MED9: variants seen among roughly 807,000 people sequenced by gnomAD.
MED9 encodes mediator complex subunit 9.
A neutral mutation model predicts 13.2 loss-of-function variants in MED9; 8 were observed. That is an observed-to-expected ratio of 0.61 (90% CI 0.36 to 1.10). MED9 has a LOEUF of 1.10. MED9 is among the 50% of genes least tolerant of loss of function. The pLI is 0.02. For missense variants in MED9, 180 were observed against 193.4 expected (o/e 0.93, Z 0.41); for synonymous variants, 87 against 82.8 (o/e 1.05, Z -0.28).
intron 1 of MED9, 89 bp from the exon 2 acceptor site, chr17:17,491,190 G>C (rs1326464473): frequency 8.1e-7 from 1 of 1,238,510 alleles, no homozygotes; most frequent in East Asian, 2.4e-5. Context: ...AGCTATGGCA[G>C]GAATGACAGC....
intron 1 of MED9, 98 bp downstream of exon 1, chr17:17,477,363 C>T (rs114377200): frequency 2.3e-6 from 3 of 1,331,976 alleles, no homozygotes; most frequent in South Asian, 2.9e-5. Flanking sequence ...GGGGCACGCC[C>T]CCGTTTCACA....
At chr17:17,489,892 G>A (rs150605966) in intron 1 of MED9, among the ~76,000 whole-genome samples, 2 of 152,314 alleles carry the variant, frequency 1.3e-5, no homozygotes, top group East Asian at 3.9e-4. Flanking sequence ...CGTAACTGAT[G>A]GATCGCCAGG....
At chr17:17,490,864 A>G (rs981870526) in intron 1 of MED9, among the ~76,000 whole-genome samples, 2 of 152,196 alleles carry the variant, frequency 1.3e-5, no homozygotes, top group East Asian at 3.8e-4. Flanking sequence ...TGATATTGGT[A>G]TTGGTTTGTT....
Position 17,492,855 on chromosome 17 carries a change from G to A in MED9, c.*1360G>A, listed in dbSNP as rs1382641170. The A allele has an allele frequency of 6.6e-6, 1 of 152,244 alleles. No individual in the cohort carries two copies. The highest frequency in any genetic ancestry group is 6.5e-5 in the Admixed American group (1 of 15,280). 9.4% of individuals were successfully genotyped at this position (152,244 alleles called of 1,614,324 possible). A position where few individuals can be genotyped will look rare whatever the true frequency, so the allele number is the denominator to read the frequency against. On this transcript the variant is annotated 3_prime_UTR_variant, in exon 2 of 2. Coordinates refer to ENST00000268711, the MANE Select transcript of MED9 (RefSeq NM_018019.3). Reference sequence around the variant, plus strand: ...TGTCAGAAGGTGGGTGGCATATTGGGGACCTGGGAATGTGTGAAGGAGGAG... The same window carrying A: ...TGTCAGAAGGTGGGTGGCATATTGGAGACCTGGGAATGTGTGAAGGAGGAG...
chr17:17,481,325 G>A (rs1905030859), intron 1 of MED9, among the ~76,000 whole-genome samples: 1 of 152,218 alleles, frequency 6.6e-6, no homozygotes, highest in Non-Finnish European at 1.5e-5. Flanking sequence ...GGTGAGTAAG[G>A]AGGTAAAATC....
In MED9 at chr17:17,477,242, T is replaced by C. The variant is rs765560776; in HGVS notation, c.201T>C (p.Pro67=). The part of the protein sequence containing the change: ...AREEENYSFL[P]LVHNIIKCMD... ...AGGAAGAGAACTACTCCTTTTTACCTTTGGTTCACAACATCATCAAATGGT... is the reference window on the plus strand; with the variant it reads ...AGGAAGAGAACTACTCCTTTTTACCCTTGGTTCACAACATCATCAAATGGT... The change falls in exon 1 of 2, where the codon CCT becomes CCC. Residue 67 remains proline (P), a synonymous_variant. Coordinates refer to ENST00000268711, the MANE Select transcript of MED9 (RefSeq NM_018019.3). 11 of 1,604,270 alleles carry C rather than the reference T, an allele frequency of 6.9e-6. No homozygotes were observed. Among genetic ancestry groups the C allele is most frequent in the Non-Finnish European group, 9.4e-6 (11 of 1,174,260 alleles).
intron 1 of MED9, chr17:17,487,588 G>A (rs1316017555): frequency 4.8e-5 from 8 of 167,540 alleles, no homozygotes; most frequent in South Asian, 1.7e-4. Context: ...AAGAAACTCC[G>A]AACACATCTG....
At chr17:17,479,832 T>C (rs536483327) in intron 1 of MED9, among the ~76,000 whole-genome samples, 3 of 152,132 alleles carry the variant, frequency 2.0e-5, no homozygotes, top group Non-Finnish European at 2.9e-5. Flanking sequence ...CCAAAAAGAA[T>C]AGGACAGGAG....
intron 1 of MED9, among the ~76,000 whole-genome samples, chr17:17,489,239 C>CT (rs1438604339): frequency 1.3e-5 from 2 of 152,230 alleles, no homozygotes; most frequent in African/African-American, 4.8e-5. Context: ...CTTACAGCTC[C>CT]TTTTTTATTA....
intron 1 of MED9, chr17:17,485,483 G>C: frequency 2.6e-6 from 1 of 388,434 alleles, no homozygotes; most frequent in Non-Finnish European, 4.5e-6. Flanking sequence ...GGGTCCACAG[G>C]AAGGCAGTGG....
chr17:17,488,690 G>A (rs969559878), intron 1 of MED9, among the ~76,000 whole-genome samples: 13 of 152,126 alleles, frequency 8.5e-5, no homozygotes, highest in Admixed American at 6.6e-5. Flanking sequence ...AAAATTAGCC[G>A]GGCGTGGTAG....
In MED9 at chr17:17,491,618, C is replaced by T. The variant is rs1284541011; in HGVS notation, c.*123C>T. On this transcript the variant is annotated 3_prime_UTR_variant, in exon 2 of 2. Transcript: ENST00000268711. Reference sequence around the variant, plus strand: ...AGCTCAGCTCGTCAAGCTGCAGGGGCGGGGCTCCTGTGCTGCTGCGCGCGC... The same window carrying T: ...AGCTCAGCTCGTCAAGCTGCAGGGGTGGGGCTCCTGTGCTGCTGCGCGCGC... 7 of 968,352 alleles carry T rather than the reference C, an allele frequency of 7.2e-6. No individual in the cohort carries two copies. Among genetic ancestry groups the T allele is most frequent in the African/African-American group, 3.3e-5 (2 of 61,448 alleles). 60.0% of individuals were successfully genotyped at this position (968,352 alleles called of 1,614,324 possible). A position where few individuals can be genotyped will look rare whatever the true frequency, so the allele number is the denominator to read the frequency against.
chr17:17,484,266 T>A (rs1237661458), intron 1 of MED9, among the ~76,000 whole-genome samples: 1 of 152,208 alleles, frequency 6.6e-6, no homozygotes, highest in Non-Finnish European at 1.5e-5. Flanking sequence ...ATTTTTTAAA[T>A]TCAATGTTTT....
intron 1 of MED9, chr17:17,485,161 A>T (rs1362298199): frequency 8.7e-6 from 3 of 344,806 alleles, no homozygotes; most frequent in Non-Finnish European, 1.6e-5. Flanking sequence ...CTACAGGCAC[A>T]CGCCACCATG....
Position 17,483,336 on chromosome 17 carries a change from T to C in MED9, c.224+6071T>C, listed in dbSNP as rs1261919220. Among the ~76,000 whole-genome samples the C allele has an allele frequency of 6.6e-6, 1 of 152,238 alleles. No individual in the cohort carries two copies. The highest frequency in any genetic ancestry group is 6.5e-5 in the Admixed American group (1 of 15,284). On this transcript the variant is annotated intron_variant, in intron 1 of 1. Transcript: ENST00000268711. The surrounding 1 kb of genome is among the most constrained non-coding windows in gnomAD (Gnocchi z 4.2). ...GGGATCTCTGCAGACCATTTTCAGA[T>C]TGTCTGCCTGAATAACCCAACACAA...
At chr17:17,477,289 GC>G (rs1904940614) in intron 1 of MED9, 24 bp downstream of exon 1, 5 of 1,552,154 alleles carry the variant, frequency 3.2e-6, no homozygotes, top group Non-Finnish European at 3.5e-6. Context: ...AGAGGACCAG[GC>G]CCCATACTCC....
Position 17,493,041 on chromosome 17 carries a change from C to G in MED9, c.*1546C>G, listed in dbSNP as rs1338435408. The G allele has an allele frequency of 6.6e-6, 1 of 152,184 alleles. No individual in the cohort carries two copies. Among genetic ancestry groups the G allele is most frequent in the South Asian group, 2.1e-4 (1 of 4,832 alleles). 9.4% of individuals were successfully genotyped at this position (152,184 alleles called of 1,614,324 possible). On this transcript the variant is annotated 3_prime_UTR_variant, in exon 2 of 2. Transcript: ENST00000268711. ...GCCTGTTTTAAGGCTCTGACAGATA[C>G]CACGAAACATGAAGCACGTGGAACT...
intron 1 of MED9, among the ~76,000 whole-genome samples, chr17:17,489,039 C>G (rs905408307): frequency 6.6e-6 from 1 of 152,146 alleles, no homozygotes; most frequent in African/African-American, 2.4e-5. Flanking sequence ...GGTCCTGTCC[C>G]TTTTCTTTTG....
chr17:17,483,293 A>G lies in MED9; in HGVS notation c.224+6028A>G, dbSNP rs1166747531. 6.6e-6 allele frequency among the ~76,000 whole-genome samples: 1 copy of G among 152,184 alleles called. No homozygotes were observed. Among genetic ancestry groups the G allele is most frequent in the Non-Finnish European group, 1.5e-5 (1 of 68,036 alleles). Reference sequence around the variant, plus strand: ...CTCCATTCTTCTCAAATTGAGCCCAAACTTAGGCCTTTACTCAGGGATCTC... The same window carrying G: ...CTCCATTCTTCTCAAATTGAGCCCAGACTTAGGCCTTTACTCAGGGATCTC... On this transcript the variant is annotated intron_variant, in intron 1 of 1. Coordinates refer to ENST00000268711, the MANE Select transcript of MED9 (RefSeq NM_018019.3). This position sits in a 1 kb window ranked among gnomAD's most constrained non-coding sequence, Gnocchi z 4.2.
Sources: gnomAD v4.1 joint callset for allele counts (sites outside exome capture counted in the v4.1 genomes callset) on GRCh38, gnomAD v4.1.1 for gene constraint, Gnocchi (gnomAD v3.1) non-coding constraint, MANE v1.5 for transcripts, NCBI Gene and HGNC (gene_info 2026-07-23, HGNC 2026-07-21) for gene names.